DNER: variants seen among roughly 807,000 people sequenced by gnomAD.
The protein encoded by DNER is delta and Notch-like epidermal growth factor-related receptor.
Under a neutral mutation model 78.2 loss-of-function variants are expected in DNER, and 33 were observed. The ratio of observed to expected loss-of-function variants is 0.42; its 90% confidence interval spans 0.32 to 0.56. The LOEUF is 0.56. DNER is among the 20% of genes least tolerant of loss of function. The pLI, the probability that DNER is intolerant of heterozygous loss-of-function variation, is 0.11. For synonymous variants in DNER, 417 were observed against 384.8 expected (o/e 1.08, Z -0.98); for missense variants, 918 against 975.3 (o/e 0.94, Z 0.78).
intron 1 of DNER, among the ~76,000 whole-genome samples, chr2:229,699,526 G>A (rs543354745): frequency 7.0e-4 from 107 of 152,078 alleles, no homozygotes; most frequent in Non-Finnish European, 1.3e-3. Flanking sequence ...CTGCCATACC[G>A]GCTAATTTTT....
intron 8 of DNER, among the ~76,000 whole-genome samples, chr2:229,436,127 C>T (rs1444851384): frequency 6.6e-6 from 1 of 152,122 alleles, no homozygotes; most frequent in African/African-American, 2.4e-5. Context: ...CAGGATCCAG[C>T]GTCTATTGTT....
intron 4 of DNER, among the ~76,000 whole-genome samples, chr2:229,582,914 C>T (rs1018490180): frequency 2.0e-5 from 3 of 152,244 alleles, no homozygotes; most frequent in Non-Finnish European, 2.9e-5. Flanking sequence ...GCTCGGATTA[C>T]GGGCACGAGC....
chr2:229,589,324 C>G (rs1277598780), intron 2 of DNER, among the ~76,000 whole-genome samples: 3 of 152,212 alleles, frequency 2.0e-5, no homozygotes, highest in Non-Finnish European at 4.4e-5. Flanking sequence ...ACACTTAGAT[C>G]TTATTTTCCA....
At chr2:229,586,412 C>T (rs1278454492) in intron 3 of DNER, among the ~76,000 whole-genome samples, 4 of 147,896 alleles carry the variant, frequency 2.7e-5, no homozygotes. Flanking sequence ...AGTGTGTCAC[C>T]TTTCCCCAAC....
intron 11 of DNER, among the ~76,000 whole-genome samples, chr2:229,376,263 C>T (rs751610868): frequency 3.3e-5 from 5 of 152,112 alleles, no homozygotes; most frequent in Non-Finnish European, 5.9e-5. Context: ...GCTCTGCCTT[C>T]ATGAACTAGG....
chr2:229,402,572 A>G (rs1693290960), intron 10 of DNER, among the ~76,000 whole-genome samples: 2 of 152,252 alleles, frequency 1.3e-5, no homozygotes, highest in Admixed American at 6.5e-5. Flanking sequence ...TTAATAATGC[A>G]CAAGGATTTC....
At chr2:229,464,900 G>A (rs13023083) in intron 7 of DNER, among the ~76,000 whole-genome samples, 58,511 of 151,958 alleles carry the variant, frequency 0.39, 13,120 homozygotes, top group African/African-American at 0.63. Flanking sequence ...AATGGCTTCC[G>A]CCTGGAGGAC....
intron 1 of DNER, among the ~76,000 whole-genome samples, chr2:229,711,795 TC>T (rs1261123153): frequency 6.6e-6 from 1 of 152,158 alleles, no homozygotes; most frequent in East Asian, 1.9e-4. Context: ...GTGGCTAAGA[TC>T]CAATTTCCTT....
intron 1 of DNER, among the ~76,000 whole-genome samples, chr2:229,671,987 A>T (rs1386816813): frequency 6.6e-6 from 1 of 152,214 alleles, no homozygotes; most frequent in African/African-American, 2.4e-5. Flanking sequence ...AAAATGTATC[A>T]TTGAGATAAA....
chr2:229,407,222 A>C lies in DNER; in HGVS notation c.1723+10T>G. On this transcript the variant is annotated intron_variant, in intron 10 of 12. Transcript: ENST00000341772. ...GTAAATTTGAAAACTCAGTCCCTGGAATCACTTGCCTGTAAACCCGGGTGC... is the reference window on the plus strand; with the variant it reads ...GTAAATTTGAAAACTCAGTCCCTGGCATCACTTGCCTGTAAACCCGGGTGC... 1 of 1,596,090 alleles carries C rather than the reference A, an allele frequency of 6.3e-7. No individual in the cohort carries two copies. Among genetic ancestry groups the C allele is most frequent in the South Asian group, 1.1e-5 (1 of 90,396 alleles).
At chr2:229,651,965 C>G (rs1163444567) in intron 1 of DNER, among the ~76,000 whole-genome samples, 1 of 152,130 alleles carries the variant, frequency 6.6e-6, no homozygotes, top group Non-Finnish European at 1.5e-5. Flanking sequence ...CAGTGGGGAA[C>G]ATAGTGGATT....
intron 11 of DNER, among the ~76,000 whole-genome samples, chr2:229,368,029 A>G (rs1692390284): frequency 6.6e-6 from 1 of 152,086 alleles, no homozygotes; most frequent in Non-Finnish European, 1.5e-5. Context: ...ATATTTTACC[A>G]TTTTTCTTTA....
intron 4 of DNER, among the ~76,000 whole-genome samples, chr2:229,573,368 A>G (rs772219227): frequency 2.8e-4 from 43 of 152,158 alleles, no homozygotes; most frequent in Non-Finnish European, 5.4e-4. Flanking sequence ...CCAATTATTT[A>G]TATTCTTCAA....
At chr2:229,614,611 C>T (rs1464873519) in intron 1 of DNER, among the ~76,000 whole-genome samples, 1 of 152,164 alleles carries the variant, frequency 6.6e-6, no homozygotes, top group Admixed American at 6.5e-5. Context: ...GACTTTCTTG[C>T]AGTTCTTCTG....
At chr2:229,435,924 C>T (rs181885042) in intron 8 of DNER, among the ~76,000 whole-genome samples, 2 of 152,144 alleles carry the variant, frequency 1.3e-5, no homozygotes, top group Admixed American at 1.3e-4. Flanking sequence ...TAAACATGTG[C>T]CTAACAAGTT....
At chr2:229,437,913 C>T (rs1292063251) in intron 8 of DNER, among the ~76,000 whole-genome samples, 1 of 152,076 alleles carries the variant, frequency 6.6e-6, no homozygotes, top group African/African-American at 2.4e-5. Flanking sequence ...GCATTGGGGA[C>T]CCCAGAAATG....
intron 10 of DNER, among the ~76,000 whole-genome samples, chr2:229,405,984 G>A (rs570558647): frequency 3.9e-5 from 6 of 152,298 alleles, no homozygotes; most frequent in Non-Finnish European, 2.9e-5. Flanking sequence ...AGCCATCTGC[G>A]AATCATTTTT....
At chr2:229,671,466 C>A (rs1309446197) in intron 1 of DNER, among the ~76,000 whole-genome samples, 1 of 152,220 alleles carries the variant, frequency 6.6e-6, no homozygotes, top group Non-Finnish European at 1.5e-5. Flanking sequence ...ATTGTCCGCA[C>A]AGCACTTCTC....
chr2:229,595,385 G>C (rs919909114), intron 1 of DNER, among the ~76,000 whole-genome samples: 1 of 151,836 alleles, frequency 6.6e-6, no homozygotes, highest in African/African-American at 2.4e-5. Flanking sequence ...AGGTTCAAGC[G>C]ATTCTCCTGC....
Sources: allele counts gnomAD v4.1 joint callset (sites outside exome capture counted in the v4.1 genomes callset), GRCh38; gene constraint gnomAD v4.1.1; transcripts MANE v1.5; gene names NCBI Gene and HGNC (gene_info 2026-07-23, HGNC 2026-07-21).